Variants in CELF2 observed in about 807,000 individuals in gnomAD.
CELF2 encodes CUG triplet repeat RNA-binding protein 2.
Under a neutral mutation model 62.6 loss-of-function variants are expected in CELF2, and 8 were observed. The ratio of observed to expected loss-of-function variants is 0.13; its 90% confidence interval spans 0.07 to 0.23. CELF2 has a LOEUF of 0.23. Ranked by LOEUF, CELF2 falls within the 10% of genes least tolerant of loss-of-function variation. CELF2 has a pLI of 1.00. For missense variants in CELF2, 333 were observed against 671.0 expected (o/e 0.50, Z 5.56); for synonymous variants, 258 against 250.0 (o/e 1.03, Z -0.30).
intron 1 of CELF2, among the ~76,000 whole-genome samples, chr10:11,060,433 T>C (rs533830744): frequency 6.6e-6 from 1 of 152,220 alleles, no homozygotes; most frequent in African/African-American, 2.4e-5. Flanking sequence ...GTAATTAGGG[T>C]ATGTGAAATA....
intron 2 of CELF2, among the ~76,000 whole-genome samples, chr10:10,969,738 T>C (rs535571733): frequency 1.3e-5 from 2 of 152,194 alleles, no homozygotes; most frequent in Non-Finnish European, 2.9e-5. Flanking sequence ...TCTAAAGTCA[T>C]GTGTGGTTAC....
At chr10:10,731,243 AAC>A in the CELF2 span, among the ~76,000 whole-genome samples, 9,729 of 145,532 alleles carry the variant, frequency 0.067, 518 homozygotes, top group East Asian at 0.18. Flanking sequence ...TCCTGCAGAA[AAC>A]ACACACACAC....
the CELF2 span, among the ~76,000 whole-genome samples, chr10:10,463,892 A>G: frequency 2.0e-5 from 3 of 151,798 alleles, no homozygotes. Flanking sequence ...ATAGATAACT[A>G]GAAATGTAAT....
chr10:10,552,378 T>G, the CELF2 span, among the ~76,000 whole-genome samples: 2 of 152,342 alleles, frequency 1.3e-5, no homozygotes, highest in South Asian at 4.1e-4. Flanking sequence ...ATCTGTCTTG[T>G]CTGCAGCTTT....
At position 11,270,235 on chromosome 10, in the gene CELF2, C is replaced by T. The variant is rs118091241; in HGVS notation, c.619-431C>T. ...AATGAATGAGAGACATGGCCATTCC[C>T]GTTACAGATTCTCCCCTTTGTCCTC... On this transcript the variant is annotated intron_variant, in intron 6 of 12. Coordinates refer to ENST00000633077, the MANE Select transcript of CELF2 (RefSeq NM_001326342.2). This position sits in a 1 kb window ranked among gnomAD's most constrained non-coding sequence, Gnocchi z 5.8. Among the ~76,000 whole-genome samples the T allele has an allele frequency of 1.7e-3, 266 of 152,186 alleles. 4 individuals carry two copies. In the South Asian group the frequency reaches 0.025, roughly 14 times the overall value.
the CELF2 span, among the ~76,000 whole-genome samples, chr10:10,674,051 G>A: frequency 6.6e-6 from 1 of 152,328 alleles, no homozygotes; most frequent in South Asian, 2.1e-4. Flanking sequence ...TTGATTGACA[G>A]TATTGTTGAA....
intron 1 of CELF2, among the ~76,000 whole-genome samples, chr10:11,091,589 G>A (rs564079682): frequency 2.0e-5 from 3 of 152,302 alleles, no homozygotes; most frequent in East Asian, 1.9e-4. Flanking sequence ...GCAGTCAAAC[G>A]AGCATGTTCT....
At chr10:10,924,593 G>A (rs1379483496) in intron 2 of CELF2, among the ~76,000 whole-genome samples, 1 of 152,012 alleles carries the variant, frequency 6.6e-6, no homozygotes, top group Non-Finnish European at 1.5e-5. Flanking sequence ...AAAATAATTC[G>A]GTATATAAAT....
At chr10:10,700,392 A>G in the CELF2 span, among the ~76,000 whole-genome samples, 2 of 152,214 alleles carry the variant, frequency 1.3e-5, no homozygotes, top group African/African-American at 4.8e-5. Context: ...CGCCATACCA[A>G]AATACAACAG....
chr10:11,170,312 G>T (rs1406593522), intron 2 of CELF2, among the ~76,000 whole-genome samples: 1 of 152,178 alleles, frequency 6.6e-6, no homozygotes, highest in Non-Finnish European at 1.5e-5. Context: ...ACAAGCGCCT[G>T]CCCTCAGACT....
chr10:11,317,737 C>T (rs1244714120), intron 10 of CELF2: 1 of 152,274 alleles, frequency 6.6e-6, no homozygotes, highest in Non-Finnish European at 1.5e-5. Context: ...CAGATTCAGT[C>T]ATCTCCCAGC....
the CELF2 span, among the ~76,000 whole-genome samples, chr10:10,608,192 G>A: frequency 4.6e-5 from 7 of 152,102 alleles, no homozygotes; most frequent in Non-Finnish European, 7.4e-5. Context: ...GAGGCCAATC[G>A]TGTGTTACAA....
intron 1 of CELF2, among the ~76,000 whole-genome samples, chr10:10,847,957 C>G (rs1210996812): frequency 1.3e-5 from 2 of 152,120 alleles, no homozygotes; most frequent in African/African-American, 4.8e-5. Context: ...TTAATTTCAC[C>G]ATACAGGAGA....
the CELF2 span, among the ~76,000 whole-genome samples, chr10:10,484,462 A>C: frequency 6.8e-6 from 1 of 147,776 alleles, no homozygotes; most frequent in Non-Finnish European, 1.5e-5. Context: ...AACTACAGGC[A>C]CATGCCACCA....
At chr10:11,276,213 T>C (rs568217489) in intron 8 of CELF2, among the ~76,000 whole-genome samples, 3 of 152,096 alleles carry the variant, frequency 2.0e-5, no homozygotes, top group Non-Finnish European at 4.4e-5. Context: ...CTGGGTGTGG[T>C]GTGTGATCGG....
In CELF2 at chr10:10,947,818, G is replaced by T. The variant is rs1458067114; in HGVS notation, c.89+27819G>T. Among the ~76,000 whole-genome samples the T allele has an allele frequency of 6.6e-6, 1 of 152,260 alleles. No individual in the cohort carries two copies. Among genetic ancestry groups the T allele is most frequent in the African/African-American group, 2.4e-5 (1 of 41,548 alleles). On this transcript the variant is annotated intron_variant, in intron 2 of 13. Transcript: ENST00000636488. This position sits in a 1 kb window ranked among gnomAD's most constrained non-coding sequence, Gnocchi z 4.1. Reference sequence around the variant, plus strand: ...GAGAGAGAAAATGCTTCTAGTATGGGGCCATAGGAAAGTCTTCATGAAGAG... The same window carrying T: ...GAGAGAGAAAATGCTTCTAGTATGGTGCCATAGGAAAGTCTTCATGAAGAG...
chr10:10,595,530 G>A, the CELF2 span, among the ~76,000 whole-genome samples: 1 of 152,178 alleles, frequency 6.6e-6, no homozygotes, highest in Non-Finnish European at 1.5e-5. Context: ...TGGGGTGGAA[G>A]CAGCTTTCCA....
rs2093340887 is a variant in CELF2 at position 11,297,764 on chromosome 10, TGAGGC to T, written c.976+9213_976+9217del. ...GGCAGGAGTTCCTTGAGGAACTCCC[TGAGGC>T]CAGGAGTTTGAGACCAGCCTGGCCA... is the stretch of plus-strand genomic sequence containing the variant. On this transcript the variant is annotated intron_variant, in intron 9 of 12. Coordinates refer to ENST00000633077, the MANE Select transcript of CELF2 (RefSeq NM_001326342.2). This position sits in a 1 kb window ranked among gnomAD's most constrained non-coding sequence, Gnocchi z 4.4. Among the ~76,000 whole-genome samples, 1 of 152,130 alleles carries T rather than the reference TGAGGC, an allele frequency of 6.6e-6. No homozygotes were observed. The highest frequency in any genetic ancestry group is 1.5e-5 in the Non-Finnish European group (1 of 67,992).
chr10:10,740,717 A>C, the CELF2 span, among the ~76,000 whole-genome samples: 38 of 152,376 alleles, frequency 2.5e-4, 1 homozygote, highest in Middle Eastern at 6.8e-3. Context: ...ATATGTATGT[A>C]TATATCATAC....
Sources: gnomAD v4.1 joint callset for allele counts (sites outside exome capture counted in the v4.1 genomes callset) on GRCh38, gnomAD v4.1.1 for gene constraint, Gnocchi (gnomAD v3.1) non-coding constraint, MANE v1.5 for transcripts, NCBI Gene and HGNC (gene_info 2026-07-23, HGNC 2026-07-21) for gene names.